Variants in TENM1 observed in about 807,000 individuals in gnomAD.
The protein encoded by TENM1 is teneurin-1.
A neutral mutation model predicts 174.8 loss-of-function variants in TENM1; 35 were observed. The ratio of observed to expected loss-of-function variants is 0.20; its 90% confidence interval spans 0.15 to 0.27. The LOEUF is 0.27. Ranked by LOEUF, TENM1 falls within the 10% of genes least tolerant of loss-of-function variation. The pLI, the probability that TENM1 is intolerant of heterozygous loss-of-function variation, is 1.00. For missense variants in TENM1, 1,633 were observed against 2,130.1 expected (o/e 0.77, Z 4.59); for synonymous variants, 781 against 798.7 (o/e 0.98, Z 0.37).
intron 30 of TENM1, 80 bp downstream of exon 33, chrX:124,383,553 CA>C (rs1370576893): frequency 3.4e-6 from 3 of 888,878 alleles, no homozygotes; most frequent in Non-Finnish European, 4.7e-6. Flanking sequence ...AGCATATTTA[CA>C]AAGGCATTGA....
At chrX:125,078,619 A>G in the TENM1 span, among the ~76,000 whole-genome samples, 19 of 111,522 alleles carry the variant, frequency 1.7e-4, no homozygotes, top group Admixed American at 4.8e-4. Context: ...TGCAGGTTCC[A>G]TTTATTAAAA....
In TENM1 at chrX:124,545,783, G is replaced by A. The variant is rs191243542; in HGVS notation, c.2651+1091C>T. Among the ~76,000 whole-genome samples the A allele has an allele frequency of 3.7e-4, 41 of 111,761 alleles. 1 individual carries two copies. The highest frequency in any genetic ancestry group is 1.3e-3 in the African/African-American group (41 of 30,806). On this transcript the variant is annotated intron_variant, in intron 15 of 31. Transcript: ENST00000422452. ...AATCTCTTGGAAGAAGGAAAACTTT[G>A]ACTAGATCCCCTGGCAGAAAAGCCC... is the stretch of plus-strand genomic sequence containing the variant.
At chrX:124,575,947 T>C (rs1160972428) in intron 11 of TENM1, among the ~76,000 whole-genome samples, 2 of 112,438 alleles carry the variant, frequency 1.8e-5, no homozygotes, top group Non-Finnish European at 3.8e-5. Flanking sequence ...CACTTTTGCC[T>C]ATCCAAATAG....
exon 30 of TENM1, chrX:124,384,056 T>C: frequency 2.5e-6 from 3 of 1,211,540 alleles, no homozygotes; most frequent in Non-Finnish European, 3.4e-6. Context: ...GCTTGTGTGG[T>C]TGTACAAATG....
exon 6 of TENM1, chrX:124,671,699 A>T (rs1228799012): frequency 1.7e-6 from 2 of 1,206,047 alleles, no homozygotes; most frequent in Admixed American, 4.4e-5. Context: ...TCTCTGATTT[A>T]TCAGAAACTT....
At chrX:124,895,261 A>G (rs970798290) in intron 2 of TENM1, among the ~76,000 whole-genome samples, 5 of 111,986 alleles carry the variant, frequency 4.5e-5, no homozygotes, top group Non-Finnish European at 9.4e-5. Flanking sequence ...AATGATGGAG[A>G]GACTAATGTG....
the TENM1 span, among the ~76,000 whole-genome samples, chrX:125,112,815 A>G: frequency 4.5e-5 from 5 of 111,600 alleles, no homozygotes; most frequent in African/African-American, 1.6e-4. Context: ...TTAAAGATCT[A>G]AATAAACGGA....
At chrX:124,667,355 C>T (rs1340468369) in intron 6 of TENM1, among the ~76,000 whole-genome samples, 2 of 110,237 alleles carry the variant, frequency 1.8e-5, no homozygotes, top group African/African-American at 6.6e-5. Context: ...TTTGGGAGGC[C>T]GAGGCAGGTG....
intron 15 of TENM1, among the ~76,000 whole-genome samples, chrX:124,536,515 A>G (rs1158126718): frequency 9.0e-6 from 1 of 111,347 alleles, no homozygotes; most frequent in African/African-American, 3.3e-5. Context: ...TGATGTTTCA[A>G]GTAAAACAAA....
the TENM1 span, among the ~76,000 whole-genome samples, chrX:125,144,746 T>C: frequency 9.2e-6 from 1 of 109,094 alleles, no homozygotes; most frequent in Admixed American, 9.8e-5. Context: ...TCATAATTTT[T>C]TTTTTTTTTT....
the TENM1 span, among the ~76,000 whole-genome samples, chrX:124,980,787 G>GA: frequency 9.1e-6 from 1 of 110,317 alleles, no homozygotes; most frequent in Non-Finnish European, 1.9e-5. Context: ...CCAATCATTT[G>GA]AAAAAAAATA....
At chrX:124,594,820 C>A (rs1166995318) in intron 11 of TENM1, among the ~76,000 whole-genome samples, 3 of 112,012 alleles carry the variant, frequency 2.7e-5, no homozygotes, top group Non-Finnish European at 5.6e-5. Flanking sequence ...ACATTTGAAT[C>A]TCTGTTTTCA....
At chrX:125,115,934 C>G in the TENM1 span, among the ~76,000 whole-genome samples, 1 of 110,751 alleles carries the variant, frequency 9.0e-6, no homozygotes, top group Non-Finnish European at 1.9e-5. Flanking sequence ...CCCATATAGC[C>G]AAGACAATCC....
chrX:124,751,600 C>G (rs1319579811), intron 3 of TENM1, among the ~76,000 whole-genome samples: 16 of 107,249 alleles, frequency 1.5e-4, no homozygotes, highest in Non-Finnish European at 3.1e-4. Context: ...ACTAACTCGT[C>G]ATTTAGCATT....
chrX:124,693,106 A>T (rs1199976548), intron 5 of TENM1, among the ~76,000 whole-genome samples: 1 of 108,777 alleles, frequency 9.2e-6, no homozygotes, highest in Non-Finnish European at 1.9e-5. Flanking sequence ...TTTCAATCTG[A>T]TTTTCTTTCT....
chrX:124,630,493 T>C (rs1412108116), intron 11 of TENM1, among the ~76,000 whole-genome samples: 2 of 112,400 alleles, frequency 1.8e-5, no homozygotes, highest in Non-Finnish European at 3.8e-5. Context: ...TAAGTTGTTT[T>C]ATCCACTTAG....
the TENM1 span, among the ~76,000 whole-genome samples, chrX:125,033,436 C>T: frequency 9.0e-6 from 1 of 111,298 alleles, no homozygotes; most frequent in Non-Finnish European, 1.9e-5. Flanking sequence ...AACAGTTCTA[C>T]AGATAATCAT....
intron 1 of TENM1, among the ~76,000 whole-genome samples, chrX:124,917,327 T>A (rs1218235267): frequency 8.9e-6 from 1 of 111,973 alleles, no homozygotes; most frequent in East Asian, 2.8e-4. Flanking sequence ...AAAAAAACTT[T>A]TTTTTTCTCT....
At chrX:124,754,339 T>C (rs2054168625) in intron 3 of TENM1, among the ~76,000 whole-genome samples, 1 of 111,811 alleles carries the variant, frequency 8.9e-6, no homozygotes, top group Non-Finnish European at 1.9e-5. Context: ...TGACATCCCC[T>C]TTACCATTTT....
Sources: gnomAD v4.1 joint callset for allele counts (sites outside exome capture counted in the v4.1 genomes callset) on GRCh38, gnomAD v4.1.1 for gene constraint, MANE v1.5 for transcripts, NCBI Gene and HGNC (gene_info 2026-07-23, HGNC 2026-07-21) for gene names.